The following OR1J2 variants were observed in gnomAD, a reference collection of about 807,000 sequenced individuals.
OR1J2 encodes olfactory receptor 1J2.
For synonymous variants in OR1J2, 142 were observed against 99.7 expected (o/e 1.42, Z -2.52); for missense variants, 304 against 246.1 (o/e 1.24, Z -1.57).
At chr9:122,574,916 G>GA in the OR1J2 span, among the ~76,000 whole-genome samples, 1 of 151,912 alleles carries the variant, frequency 6.6e-6, no homozygotes, top group Non-Finnish European at 1.5e-5. Flanking sequence ...GATGGGTGTT[G>GA]GAGTTTGTCA....
downstream of OR1J2, among the ~76,000 whole-genome samples, chr9:122,515,352 T>TTGTGTG (rs10651846): frequency 0.088 from 11,952 of 135,700 alleles, 627 homozygotes; most frequent in African/African-American, 0.14. Flanking sequence ...CAGGAGCAGG[T>TTGTGTG]TGTGTGTGTG....
the OR1J2 span, chr9:122,553,583 C>A: frequency 2.5e-6 from 4 of 1,613,986 alleles, no homozygotes; most frequent in Non-Finnish European, 8.5e-7. Context: ...TGGCATATGA[C>A]CGCTATGTGG....
At chr9:122,509,019 T>C (rs1366656023), upstream of OR1J2, among the ~76,000 whole-genome samples, 2 of 152,244 alleles carry the variant, frequency 1.3e-5, no homozygotes, top group Non-Finnish European at 2.9e-5. Context: ...CATCTTCGAA[T>C]ACGTCTCTGA....
At chr9:122,573,727 A>C in the OR1J2 span, among the ~76,000 whole-genome samples, 14 of 152,192 alleles carry the variant, frequency 9.2e-5, no homozygotes, top group Non-Finnish European at 1.6e-4. Flanking sequence ...ACTTTTGCAG[A>C]ACAGAAAAGT....
the OR1J2 span, among the ~76,000 whole-genome samples, chr9:122,559,556 T>C: frequency 6.6e-6 from 1 of 152,350 alleles, no homozygotes; most frequent in African/African-American, 2.4e-5. Flanking sequence ...AAGAACTTCT[T>C]GATTTCTGCC....
the OR1J2 span, among the ~76,000 whole-genome samples, chr9:122,496,794 G>C: frequency 6.6e-6 from 1 of 152,144 alleles, no homozygotes; most frequent in Non-Finnish European, 1.5e-5. Context: ...CTCCAAAGGA[G>C]GCAATCAGGC....
At chr9:122,467,646 A>G in the OR1J2 span, among the ~76,000 whole-genome samples, 2 of 152,356 alleles carry the variant, frequency 1.3e-5, no homozygotes, top group East Asian at 1.9e-4. Context: ...TTAAACAGCC[A>G]CTAAACCAGA....
the OR1J2 span, among the ~76,000 whole-genome samples, chr9:122,469,019 G>A: frequency 8.8e-3 from 1,343 of 152,294 alleles, 19 homozygotes; most frequent in African/African-American, 0.031. Flanking sequence ...CACATTTAAA[G>A]AATGAGTCTG....
At chr9:122,569,980 T>A in the OR1J2 span, among the ~76,000 whole-genome samples, 5 of 150,422 alleles carry the variant, frequency 3.3e-5, no homozygotes, top group South Asian at 4.3e-4. Flanking sequence ...ATTTCCAATT[T>A]CATCCATGTC....
the OR1J2 span, chr9:122,568,690 C>A: frequency 4.3e-6 from 2 of 461,666 alleles, no homozygotes; most frequent in Non-Finnish European, 7.5e-6. Context: ...ATATTGAAAT[C>A]TGGAGGGACA....
At chr9:122,485,006 G>A in the OR1J2 span, among the ~76,000 whole-genome samples, 1 of 152,120 alleles carries the variant, frequency 6.6e-6, no homozygotes, top group Non-Finnish European at 1.5e-5. Flanking sequence ...ACTCCAGCCT[G>A]GGTGACAGAG....
At position 122,510,857 on chromosome 9, in the gene OR1J2, T is replaced by A. The variant is rs546772045; in HGVS notation, c.56T>A (p.Ile19Asn). 2 of 1,609,814 alleles carry A rather than the reference T, an allele frequency of 1.2e-6. No individual in the cohort carries two copies. ...VSEFLLLGLP[I>N]RPEQQAVFFT... ...GAGTTCCTCCTTCTGGGCCTCCCCA[T>A]CCGGCCAGAGCAGCAGGCTGTGTTC... The change falls in exon 1 of 1, where the codon ATC becomes AAC. Residue 19 changes from isoleucine to asparagine, a missense_variant. Physicochemically the swap from Ile to Asn is moderately radical, Grantham distance 149. Coordinates refer to ENST00000335302, the MANE Select transcript of OR1J2 (RefSeq NM_054107.1).
At chr9:122,464,402 G>A in the OR1J2 span, among the ~76,000 whole-genome samples, 1 of 152,218 alleles carries the variant, frequency 6.6e-6, no homozygotes, top group Non-Finnish European at 1.5e-5. Context: ...AGCTGAGAAA[G>A]CAAGCAAACT....
At chr9:122,463,365 A>G in the OR1J2 span, among the ~76,000 whole-genome samples, 6 of 152,076 alleles carry the variant, frequency 3.9e-5, no homozygotes, top group Admixed American at 1.3e-4. Flanking sequence ...GTTGGACTGC[A>G]TCTTTCTCTG....
the OR1J2 span, among the ~76,000 whole-genome samples, chr9:122,572,619 G>C: frequency 6.6e-5 from 10 of 151,306 alleles, no homozygotes; most frequent in African/African-American, 2.4e-4. Flanking sequence ...TGCTCTCAAA[G>C]CATGTGGTGT....
At chr9:122,550,924 GA>G in the OR1J2 span, among the ~76,000 whole-genome samples, 129 of 142,406 alleles carry the variant, frequency 9.1e-4, no homozygotes, top group Admixed American at 1.0e-3. Context: ...AACAATCAGG[GA>G]AAAAAAAAAA....
At chr9:122,539,733 A>G in the OR1J2 span, among the ~76,000 whole-genome samples, 1 of 152,202 alleles carries the variant, frequency 6.6e-6, no homozygotes, top group Admixed American at 6.5e-5. Flanking sequence ...TCCCACCAAC[A>G]GTGTAAGAGT....
the OR1J2 span, among the ~76,000 whole-genome samples, chr9:122,464,867 G>A: frequency 8.5e-5 from 13 of 152,064 alleles, no homozygotes; most frequent in Admixed American, 7.2e-4. Flanking sequence ...AAGACTTTTT[G>A]TCTTTTTTGG....
chr9:122,540,128 C>T, the OR1J2 span, among the ~76,000 whole-genome samples: 1 of 151,798 alleles, frequency 6.6e-6, no homozygotes, highest in Non-Finnish European at 1.5e-5. Flanking sequence ...AATTAGATCC[C>T]ATTTGTCAAT....
Sources: gnomAD v4.1 joint callset for allele counts (sites outside exome capture counted in the v4.1 genomes callset) on GRCh38, gnomAD v4.1.1 for gene constraint, MANE v1.5 for transcripts, NCBI Gene and HGNC (gene_info 2026-07-23, HGNC 2026-07-21) for gene names.